Variants in TTC39C observed in about 807,000 individuals in gnomAD.
TTC39C encodes tetratricopeptide repeat domain 39C.
TTC39C carries 33 observed loss-of-function variants against 76.3 expected under a neutral mutation model. The observed-to-expected ratio is 0.43, with a 90% CI of 0.33 to 0.58. The LOEUF is 0.58. TTC39C is among the 20% of genes least tolerant of loss of function. TTC39C has a pLI of 0.04. For missense variants in TTC39C, 595 were observed against 701.4 expected, an observed-to-expected ratio of 0.85 and a Z score of 1.71; for synonymous variants, 254 against 260.6, an observed-to-expected ratio of 0.97 and a Z score of 0.24.
chr18:24,126,822 AT>A (rs2085057401), intron 10 of TTC39C, among the ~76,000 whole-genome samples: 1 of 152,010 alleles, frequency 6.6e-6, no homozygotes, highest in African/African-American at 2.4e-5. Flanking sequence ...TACTGTATTT[AT>A]TTTTAAAGGA....
chr18:24,064,348 ATC>A (rs2084140020), intron 2 of TTC39C, among the ~76,000 whole-genome samples, 160 bp downstream of exon 2: 1 of 152,228 alleles, frequency 6.6e-6, no homozygotes, highest in Non-Finnish European at 1.5e-5. Context: ...CTATGAAATA[ATC>A]TGCCTTCCCT....
chr18:24,135,338 G>T lies in TTC39C; in HGVS notation c.*2764G>T, dbSNP rs540970724. On this transcript the variant is annotated 3_prime_UTR_variant, in exon 14 of 14. Coordinates refer to ENST00000317571, the MANE Select transcript of TTC39C (RefSeq NM_001135993.2). ...AAGAGTCTATCCTAGGCTTGGTACA[G>T]ATGGCGCCTGTGGTAAATCTGTGTT... The T allele has an allele frequency of 3.3e-5, 5 of 152,532 alleles. No individual in the cohort carries two copies. The East Asian group carries it at 9.7e-4, about 30-fold the overall frequency. 9.4% of individuals were successfully genotyped at this position (152,532 alleles called of 1,614,324 possible).
chr18:24,011,910 G>A (rs1024007611), upstream of TTC39C, among the ~76,000 whole-genome samples: 19 of 152,220 alleles, frequency 1.2e-4, no homozygotes, highest in African/African-American at 4.6e-4. Flanking sequence ...TTTGCAGGAA[G>A]GTGCTGAGAA....
chr18:24,062,590 G>C (rs1417079042), intron 1 of TTC39C, among the ~76,000 whole-genome samples: 1 of 151,730 alleles, frequency 6.6e-6, no homozygotes, highest in African/African-American at 2.4e-5. Flanking sequence ...ACTGGTTAGG[G>C]ATTCCTCACA....
chr18:24,045,909 ATATATATATATATATATATTTTTTTTT>A (rs2083867201), intron 1 of TTC39C, among the ~76,000 whole-genome samples: 1 of 38,128 alleles, frequency 2.6e-5, no homozygotes, highest in Admixed American at 4.8e-4. Context: ...ATATATATAT[ATATATATATATATATATATTTTTTTTT>A]TTTTTTTTTT....
chr18:24,021,539 C>CTTTTTTTTTTTTTTTTTTTTTTTTG (rs60505555), intron 1 of TTC39C, among the ~76,000 whole-genome samples: 1 of 118,896 alleles, frequency 8.4e-6, no homozygotes. Context: ...TTCTTTCCTT[C>CTTTTTTTTTTTTTTTTTTTTTTTTG]TTTTTTTTTT....
rs536504532 is a variant in TTC39C, at chr18:24,088,214, A to G, written c.984+5133A>G. On this transcript the variant is annotated intron_variant, in intron 6 of 13. Transcript: ENST00000317571. ...ATCAGTTTCATTTCTTGAGAGTCAC[A>G]TTTTTATTTCAAAGATGGGATTATA... 3.3e-4 allele frequency among the ~76,000 whole-genome samples: 51 copies of G among 152,324 alleles called. No homozygotes were observed. The South Asian group carries it at 9.9e-3, about 30-fold the overall frequency.
chr18:24,027,238 C>CAGAGG (rs2083609368), intron 1 of TTC39C, among the ~76,000 whole-genome samples: 1 of 151,820 alleles, frequency 6.6e-6, no homozygotes, highest in Non-Finnish European at 1.5e-5. Context: ...CTTGCAGTGA[C>CAGAGG]CCGAGATCGC....
intron 1 of TTC39C, 89 bp downstream of exon 1, chr18:24,015,127 C>G (rs2083437360): frequency 1.6e-6 from 2 of 1,237,344 alleles, no homozygotes; most frequent in South Asian, 3.9e-5. Flanking sequence ...CGGGAGCCCC[C>G]TCCCCCTCCT....
intron 6 of TTC39C, among the ~76,000 whole-genome samples, chr18:24,109,800 C>T (rs7226814): frequency 0.99 from 151,119 of 152,188 alleles, 75,036 homozygotes; most frequent in East Asian, 1. Context: ...AGGTCGGGAG[C>T]TCGAGACCAG....
chr18:24,061,593 TAAAAAAAAAAAAAAA>T (rs35502981), intron 1 of TTC39C, among the ~76,000 whole-genome samples: 1 of 95,824 alleles, frequency 1.0e-5, no homozygotes, highest in African/African-American at 4.1e-5. Flanking sequence ...TTGAAATAAG[TAAAAAAAAAAAAAAA>T]AAAAAAAAGC....
intron 4 of TTC39C, among the ~76,000 whole-genome samples, chr18:24,079,773 A>G (rs560451631): frequency 1.3e-5 from 2 of 149,718 alleles, no homozygotes; most frequent in Non-Finnish European, 3.0e-5. Context: ...GCAAGACGCA[A>G]TGCTTGGTGC....
intron 3 of TTC39C, 132 bp downstream of exon 3, chr18:24,066,272 T>A: frequency 1.6e-6 from 2 of 1,213,482 alleles, no homozygotes; most frequent in South Asian, 3.1e-5. Flanking sequence ...ATGTTTCTTA[T>A]GGTTTTTGGT....
chr18:24,024,808 G>GCA (rs1475850540), intron 1 of TTC39C, among the ~76,000 whole-genome samples: 1 of 152,200 alleles, frequency 6.6e-6, no homozygotes, highest in Non-Finnish European at 1.5e-5. Context: ...GACTCCTGAG[G>GCA]ACAGTTTCAG....
In TTC39C at chr18:24,128,874, C is replaced by A; in HGVS notation, c.1421-12C>A. 6.2e-7 allele frequency: 1 copy of A among 1,610,658 alleles called. No homozygotes were observed. The highest frequency in any genetic ancestry group is 1.1e-5 in the South Asian group (1 of 90,586). On this transcript the variant is annotated splice_polypyrimidine_tract_variant and intron_variant, in intron 10 of 13. Coordinates refer to ENST00000317571, the MANE Select transcript of TTC39C (RefSeq NM_001135993.2). ...TTTGCTTACTGCTCTGTTCACTCCC[C>A]TTCTTTTTAAGCTTGCCATGAAGTG... is the stretch of plus-strand genomic sequence containing the variant.
chr18:24,036,559 T>A lies in TTC39C; in HGVS notation c.167+21521T>A, dbSNP rs2083735243. Among the ~76,000 whole-genome samples the A allele has an allele frequency of 2.0e-5, 3 of 152,232 alleles. No homozygotes were observed. The South Asian group carries it at 6.2e-4, about 32-fold the overall frequency. On this transcript the variant is annotated intron_variant, in intron 1 of 13. Coordinates refer to ENST00000317571, the MANE Select transcript of TTC39C (RefSeq NM_001135993.2). Reference sequence around the variant, plus strand: ...TACAACTGATTTTTATGTGTTGATTTCGTATCTTGCAACTTTGCTGAATTT... The same window carrying A: ...TACAACTGATTTTTATGTGTTGATTACGTATCTTGCAACTTTGCTGAATTT...
At chr18:24,119,603 G>A (rs567073877) in intron 8 of TTC39C, among the ~76,000 whole-genome samples, 2 of 146,754 alleles carry the variant, frequency 1.4e-5, no homozygotes, top group South Asian at 4.5e-4. Flanking sequence ...TCCATATTCC[G>A]CATTGCAATC....
chr18:24,114,539 T>A lies in TTC39C; in HGVS notation c.985-15T>A. On this transcript the variant is annotated splice_polypyrimidine_tract_variant and intron_variant, in intron 6 of 13. Coordinates refer to ENST00000317571, the MANE Select transcript of TTC39C (RefSeq NM_001135993.2). ...CAGATCTTAGCTGGTAATTCTGTTT[T>A]CCTTTTCTCCTTAGTGTCAAATCAA... The A allele has an allele frequency of 4.4e-6, 7 of 1,601,896 alleles. No homozygotes were observed. Among genetic ancestry groups the A allele is most frequent in the Non-Finnish European group, 6.0e-6 (7 of 1,169,240 alleles).
chr18:24,034,979 G>A (rs982992527), intron 1 of TTC39C, among the ~76,000 whole-genome samples: 3 of 152,130 alleles, frequency 2.0e-5, no homozygotes, highest in African/African-American at 4.8e-5. Context: ...GTTTTTTCGG[G>A]TATATACCCA....
Sources: allele counts gnomAD v4.1 joint callset (sites outside exome capture counted in the v4.1 genomes callset), GRCh38; gene constraint gnomAD v4.1.1; transcripts MANE v1.5; gene names NCBI Gene and HGNC (gene_info 2026-07-23, HGNC 2026-07-21).